LDLRAD3: variants seen among roughly 807,000 people sequenced by gnomAD.
The protein encoded by LDLRAD3 is low density lipoprotein receptor class A domain containing 3, also known as low-density lipoprotein receptor class A domain-containing protein 3.
Under a neutral mutation model 29.4 loss-of-function variants are expected in LDLRAD3, and 20 were observed. The observed-to-expected ratio is 0.68, with a 90% CI of 0.48 to 0.99. The LOEUF (loss-of-function observed/expected upper bound fraction) is 0.99, where lower values mean the gene tolerates loss of function less well. Among genes scored for constraint, LDLRAD3 ranks in the 50% least tolerant of loss-of-function variants. The pLI is 0.00. For missense variants in LDLRAD3, 420 were observed against 454.3 expected, an observed-to-expected ratio of 0.92 and a Z score of 0.69; for synonymous variants, 157 against 192.7, an observed-to-expected ratio of 0.81 and a Z score of 1.53.
chr11:36,183,865 A>C (rs984505800), intron 4 of LDLRAD3, among the ~76,000 whole-genome samples: 1 of 151,966 alleles, frequency 6.6e-6, no homozygotes, highest in African/African-American at 2.4e-5. Flanking sequence ...ATCTGTGTCT[A>C]ATCTACGGTT....
chr11:36,211,182 C>T (rs1351200796), intron 4 of LDLRAD3, among the ~76,000 whole-genome samples: 1 of 152,186 alleles, frequency 6.6e-6, no homozygotes, highest in African/African-American at 2.4e-5. Context: ...AGCATGAAAG[C>T]AGCCATAGAT....
chr11:35,970,639 G>A (rs997971898), intron 1 of LDLRAD3, among the ~76,000 whole-genome samples: 10 of 152,228 alleles, frequency 6.6e-5, no homozygotes, highest in African/African-American at 2.4e-4. Context: ...TTTTATAGAT[G>A]AGTACATCAA....
intron 1 of LDLRAD3, among the ~76,000 whole-genome samples, chr11:36,012,246 C>A (rs1851965088): frequency 6.6e-6 from 1 of 152,154 alleles, no homozygotes; most frequent in South Asian, 2.1e-4. Context: ...CCTTTCCATC[C>A]TAACTAAGCA....
At chr11:36,215,537 T>C (rs1855340596) in intron 4 of LDLRAD3, among the ~76,000 whole-genome samples, 1 of 152,080 alleles carries the variant, frequency 6.6e-6, no homozygotes, top group Non-Finnish European at 1.5e-5. Context: ...GGATATGTCT[T>C]GTGCTCCCCT....
At chr11:36,038,990 A>T (rs1198022898) in intron 2 of LDLRAD3, among the ~76,000 whole-genome samples, 1 of 125,256 alleles carries the variant, frequency 8.0e-6, no homozygotes, top group Non-Finnish European at 1.8e-5. Flanking sequence ...TTTTTTTTAG[A>T]CGGAGTCTTG....
At chr11:36,151,702 G>A (rs955249) in intron 4 of LDLRAD3, among the ~76,000 whole-genome samples, 96,502 of 152,014 alleles carry the variant, frequency 0.63, 31,054 homozygotes, top group East Asian at 0.94. Context: ...AAAATCCCCA[G>A]TCCTGTCTAG....
At chr11:36,084,881 C>T (rs1265241382) in intron 3 of LDLRAD3, among the ~76,000 whole-genome samples, 2 of 152,186 alleles carry the variant, frequency 1.3e-5, no homozygotes, top group Non-Finnish European at 1.5e-5. Context: ...CTCTCTAGGT[C>T]GCTTTAGAGT....
At chr11:36,168,940 G>A (rs141592288) in intron 4 of LDLRAD3, among the ~76,000 whole-genome samples, 191 of 152,224 alleles carry the variant, frequency 1.3e-3, no homozygotes, top group African/African-American at 1.8e-3. Flanking sequence ...AGCTGAACAC[G>A]TTTAAAAGAG....
chr11:35,944,292 T>A lies in LDLRAD3; in HGVS notation c.46+148T>A, dbSNP rs1851026664. The A allele has an allele frequency of 2.8e-6, 1 of 359,246 alleles. No individual in the cohort carries two copies. Among genetic ancestry groups the A allele is most frequent in the African/African-American group, 2.2e-5 (1 of 45,142 alleles). The allele number at this position is 359,246 out of a possible 1,614,324, so 22.3% of individuals were successfully genotyped here. On this transcript the variant is annotated intron_variant, in intron 1 of 5. Transcript: ENST00000315571. This position sits in a 1 kb window ranked among gnomAD's most constrained non-coding sequence, Gnocchi z 4.9. ...CGGAGGGCGGACCCCGGCGCCGGGC[T>A]GGCCCGGACCCTGCCGAGGGGCCGC... is the stretch of plus-strand genomic sequence containing the variant.
At chr11:36,225,618 C>T (rs746161363) in intron 4 of LDLRAD3, among the ~76,000 whole-genome samples, 1 of 152,018 alleles carries the variant, frequency 6.6e-6, no homozygotes, top group African/African-American at 2.4e-5. Flanking sequence ...GAAGTCAGAC[C>T]CCTGGACTCA....
chr11:36,059,223 G>C (rs999159407), intron 2 of LDLRAD3, among the ~76,000 whole-genome samples: 4 of 152,044 alleles, frequency 2.6e-5, no homozygotes, highest in African/African-American at 9.7e-5. Flanking sequence ...AAAATTAGCT[G>C]GTCAGTAATT....
At position 36,143,092 on chromosome 11, in the gene LDLRAD3, C is replaced by T. The variant is rs143753521; in HGVS notation, c.454+44631C>T. Among the ~76,000 whole-genome samples, 16 of 152,292 alleles carry T rather than the reference C, an allele frequency of 1.1e-4. No homozygotes were observed. In the East Asian group the frequency reaches 2.1e-3, roughly 20 times the overall value. On this transcript the variant is annotated intron_variant, in intron 4 of 5. Coordinates refer to ENST00000315571, the MANE Select transcript of LDLRAD3 (RefSeq NM_174902.4). The stretch of plus-strand genomic sequence containing the variant: ...TGCAGATGCATATTCACCAGTGAGG[C>T]GGGTGGGGTTAACTTCACTTTACAG...
chr11:36,129,229 C>G (rs1300136043), intron 4 of LDLRAD3, among the ~76,000 whole-genome samples: 2 of 152,202 alleles, frequency 1.3e-5, no homozygotes, highest in Non-Finnish European at 2.9e-5. Context: ...GAGAAGAACA[C>G]TATTAGCCCT....
intron 2 of LDLRAD3, among the ~76,000 whole-genome samples, chr11:36,060,380 A>G (rs1590233204): frequency 1.3e-5 from 2 of 150,626 alleles, no homozygotes; most frequent in Admixed American, 1.3e-4. Context: ...AAAAAGTTAT[A>G]TAACTCACAA....
intron 1 of LDLRAD3, among the ~76,000 whole-genome samples, chr11:36,011,805 A>T (rs1039818221): frequency 6.6e-6 from 1 of 152,108 alleles, no homozygotes; most frequent in Non-Finnish European, 1.5e-5. Context: ...TAGCTACCCG[A>T]TGCAGTGTGG....
At chr11:36,140,992 TTC>T (rs557939353) in intron 4 of LDLRAD3, among the ~76,000 whole-genome samples, 11,425 of 109,850 alleles carry the variant, frequency 0.1, 772 homozygotes, top group African/African-American at 0.22. Context: ...CTGTTGAGCT[TTC>T]TCTCTCTCTC....
intron 2 of LDLRAD3, among the ~76,000 whole-genome samples, chr11:36,048,018 A>G (rs1333880442): frequency 7.8e-6 from 1 of 127,392 alleles, no homozygotes; most frequent in African/African-American, 3.1e-5. Flanking sequence ...GGTGCATAGC[A>G]GGCACTTAAT....
At chr11:36,135,341 T>C (rs1454421268) in intron 4 of LDLRAD3, among the ~76,000 whole-genome samples, 1 of 152,204 alleles carries the variant, frequency 6.6e-6, no homozygotes, top group Non-Finnish European at 1.5e-5. Flanking sequence ...CCTTTCCCCA[T>C]GGCTGGGGTT....
chr11:36,140,728 C>T (rs1033916756), intron 4 of LDLRAD3, among the ~76,000 whole-genome samples: 6 of 152,082 alleles, frequency 3.9e-5, no homozygotes, highest in African/African-American at 1.4e-4. Flanking sequence ...ACGTTGTGTA[C>T]ACTTTAAAAG....
Sources: allele counts gnomAD v4.1 joint callset (sites outside exome capture counted in the v4.1 genomes callset), GRCh38; gene constraint gnomAD v4.1.1; non-coding constraint Gnocchi (gnomAD v3.1); transcripts MANE v1.5; gene names NCBI Gene and HGNC (gene_info 2026-07-23, HGNC 2026-07-21).